PHACTR1: variants seen among roughly 807,000 people sequenced by gnomAD.
PHACTR1 encodes phosphatase and actin regulator 1.
PHACTR1 carries 16 observed loss-of-function variants against 69.2 expected under a neutral mutation model. The observed-to-expected ratio is 0.23, with a 90% CI of 0.16 to 0.35. The LOEUF (loss-of-function observed/expected upper bound fraction) is 0.35, where lower values mean the gene tolerates loss of function less well. Ranked by LOEUF, PHACTR1 falls within the 10% of genes least tolerant of loss-of-function variation. The pLI is 1.00. For missense variants in PHACTR1, 510 were observed against 734.7 expected, an observed-to-expected ratio of 0.69 and a Z score of 3.54; for synonymous variants, 312 against 284.5, an observed-to-expected ratio of 1.10 and a Z score of -0.97.
At chr6:13,267,838 G>GAAAAAAAAAAAAAAAAAAAAAAAAAA (rs558900640) in intron 10 of PHACTR1, 1 of 101,080 alleles carries the variant, frequency 9.9e-6, no homozygotes, top group Admixed American at 9.9e-5. Flanking sequence ...GGAATGATCT[G>GAAAAAAAAAAAAAAAAAAAAAAAAAA]AAAAAAAAAA....
rs765869702 is a variant in PHACTR1, at chr6:12,749,718, A to G, written c.178A>G (p.Ile60Val). The G allele has an allele frequency of 1.2e-6, 2 of 1,610,320 alleles. No individual in the cohort carries two copies. Among genetic ancestry groups the G allele is most frequent in the South Asian group, 2.2e-5 (2 of 90,994 alleles). ...GGAGGATGATATAGACCGGCGGCCC[A>G]TCCGGAGAGTGCGCTCCAAGAGCGA... is the stretch of plus-strand genomic sequence containing the variant. ...SSEDDIDRRP[I>V]RRVRSKSDTP... The change falls in exon 4 of 15, where the codon ATC becomes GTC. Residue 60 changes from isoleucine to valine, a missense_variant. Coordinates refer to ENST00000332995, the MANE Select transcript of PHACTR1 (RefSeq NM_030948.6).
chr6:13,195,293 A>G (rs1486164240), intron 7 of PHACTR1, among the ~76,000 whole-genome samples: 4 of 152,174 alleles, frequency 2.6e-5, no homozygotes, highest in Admixed American at 6.5e-5. Context: ...AGCTAAGGTT[A>G]AGTAATTAAA....
At chr6:13,278,482 A>G (rs1403168652) in intron 12 of PHACTR1, among the ~76,000 whole-genome samples, 153 bp downstream of exon 12, 2 of 152,096 alleles carry the variant, frequency 1.3e-5, no homozygotes. Context: ...AGACCTCTCC[A>G]CTCAGCTTCA....
chr6:12,826,208 T>G (rs1032376673), intron 4 of PHACTR1, among the ~76,000 whole-genome samples: 99 of 152,176 alleles, frequency 6.5e-4, no homozygotes, highest in Non-Finnish European at 3.1e-4. Flanking sequence ...CCACTTTTTT[T>G]CTGGAAAGGA....
chr6:13,139,891 C>G (rs1228761531), intron 5 of PHACTR1, among the ~76,000 whole-genome samples: 1 of 152,230 alleles, frequency 6.6e-6, no homozygotes, highest in East Asian at 1.9e-4. Flanking sequence ...CAAAATTCAT[C>G]TCCACTTTCC....
intron 11 of PHACTR1, chr6:13,276,132 A>T (rs1778845920): frequency 6.6e-6 from 1 of 151,606 alleles, no homozygotes; most frequent in Non-Finnish European, 1.5e-5. Context: ...TTAAAAAAAA[A>T]AAAAACCTCT....
At chr6:12,933,249 C>T (rs1789064630) in intron 4 of PHACTR1, among the ~76,000 whole-genome samples, 1 of 151,974 alleles carries the variant, frequency 6.6e-6, no homozygotes, top group African/African-American at 2.4e-5. Flanking sequence ...AGCCTTATTC[C>T]AAATCTTGAT....
At chr6:13,216,502 C>T (rs932888664) in intron 8 of PHACTR1, among the ~76,000 whole-genome samples, 1 of 151,506 alleles carries the variant, frequency 6.6e-6, no homozygotes, top group African/African-American at 2.4e-5. Flanking sequence ...TTTGTAGTTC[C>T]GTGTTTCTTC....
At position 12,933,667 on chromosome 6, in the gene PHACTR1, A is replaced by T. The variant is rs553215447; in HGVS notation, c.251-119698A>T. On this transcript the variant is annotated intron_variant, in intron 4 of 14. Coordinates refer to ENST00000332995, the MANE Select transcript of PHACTR1 (RefSeq NM_030948.6). ...TTTTTGGGGATATGGATGAAGCAAG[A>T]ATGGGACCAGCAGTGCCAACTCTTG... 1.4e-5 allele frequency: 22 copies of T among 1,612,816 alleles called. No individual in the cohort carries two copies. The East Asian group carries it at 4.7e-4, about 34-fold the overall frequency.
chr6:13,203,768 C>A (rs183358128), intron 7 of PHACTR1, among the ~76,000 whole-genome samples: 4 of 152,156 alleles, frequency 2.6e-5, no homozygotes, highest in Non-Finnish European at 5.9e-5. Context: ...GGAAACTCAG[C>A]AGTTCAGGAG....
intron 4 of PHACTR1, among the ~76,000 whole-genome samples, chr6:12,921,449 C>A (rs1190812315): frequency 7.6e-6 from 1 of 131,616 alleles, no homozygotes; most frequent in Non-Finnish European, 1.6e-5. Context: ...CCTACCCATG[C>A]TGGAGGGAAG....
At chr6:12,837,968 C>T (rs998398472) in intron 4 of PHACTR1, among the ~76,000 whole-genome samples, 2 of 152,200 alleles carry the variant, frequency 1.3e-5, no homozygotes, top group African/African-American at 4.8e-5. Context: ...GAAGGCCCAA[C>T]TGGGGAAGGA....
chr6:13,055,755 G>A (rs1425653650), intron 5 of PHACTR1, among the ~76,000 whole-genome samples: 1 of 152,180 alleles, frequency 6.6e-6, no homozygotes, highest in African/African-American at 2.4e-5. Flanking sequence ...ACGTCTTCAA[G>A]ACATTGGAAA....
intron 6 of PHACTR1, among the ~76,000 whole-genome samples, chr6:13,163,342 A>T (rs772697105): frequency 6.6e-6 from 1 of 152,220 alleles, no homozygotes; most frequent in Non-Finnish European, 1.5e-5. Flanking sequence ...TTGTCACCAC[A>T]ACTTCCTGTT....
chr6:13,040,000 A>G, intron 4 of PHACTR1, among the ~76,000 whole-genome samples: 1 of 152,186 alleles, frequency 6.6e-6, no homozygotes, highest in Non-Finnish European at 1.5e-5. Flanking sequence ...CTTTCATTAT[A>G]TACATGCTTT....
At chr6:12,854,265 C>T (rs1333043777) in intron 4 of PHACTR1, among the ~76,000 whole-genome samples, 1 of 152,196 alleles carries the variant, frequency 6.6e-6, no homozygotes. Flanking sequence ...CTCCAAAGAG[C>T]TGCCAAGCAC....
At chr6:12,721,960 C>T (rs368511571) in intron 3 of PHACTR1, among the ~76,000 whole-genome samples, 28 of 152,310 alleles carry the variant, frequency 1.8e-4, no homozygotes, top group East Asian at 7.7e-4. Flanking sequence ...GGCAAGCTGG[C>T]GGCCAGCTCT....
At chr6:13,158,269 T>C (rs1758477588) in intron 5 of PHACTR1, among the ~76,000 whole-genome samples, 1 of 152,178 alleles carries the variant, frequency 6.6e-6, no homozygotes, top group Admixed American at 6.5e-5. Flanking sequence ...CCCCAAGCTC[T>C]GAATAGAACA....
intron 4 of PHACTR1, among the ~76,000 whole-genome samples, chr6:12,801,593 G>A (rs1773712551): frequency 6.6e-6 from 1 of 152,176 alleles, no homozygotes; most frequent in Non-Finnish European, 1.5e-5. Context: ...TTGCAGAGAA[G>A]GAGCTAAGAA....
Sources: gnomAD v4.1 joint callset for allele counts (sites outside exome capture counted in the v4.1 genomes callset) on GRCh38, gnomAD v4.1.1 for gene constraint, MANE v1.5 for transcripts, NCBI Gene and HGNC (gene_info 2026-07-23, HGNC 2026-07-21) for gene names.